The following ARHGAP39 variants were observed in gnomAD, a reference collection of about 807,000 sequenced individuals.
ARHGAP39 encodes Rho GTPase activating protein 39.
ARHGAP39 carries 44 observed loss-of-function variants against 106.9 expected under a neutral mutation model. The ratio of observed to expected loss-of-function variants is 0.41; its 90% CI spans 0.32 to 0.53. The LOEUF (loss-of-function observed/expected upper bound fraction) is 0.53. ARHGAP39 is among the 20% of genes least tolerant of loss of function. The pLI is 0.21. For synonymous variants in ARHGAP39, 768 were observed against 693.2 expected, an observed-to-expected ratio of 1.11 and a Z score of -1.69; for missense variants, 1,496 against 1,577.3, an observed-to-expected ratio of 0.95 and a Z score of 0.87.
At chr8:144,677,206 C>T (rs908615342) in intron 1 of ARHGAP39, among the ~76,000 whole-genome samples, 7 of 152,210 alleles carry the variant, frequency 4.6e-5, no homozygotes, top group African/African-American at 1.7e-4. Context: ...AGGTTGTCTC[C>T]ACTTTCTGGC....
intron 1 of ARHGAP39, among the ~76,000 whole-genome samples, chr8:144,620,532 C>T (rs1290774809): frequency 6.7e-6 from 1 of 149,344 alleles, no homozygotes; most frequent in Non-Finnish European, 1.5e-5. Context: ...AGCCTGTGTC[C>T]CTGAGAGCAT....
intron 5 of ARHGAP39, among the ~76,000 whole-genome samples, chr8:144,546,795 C>T (rs1387463529): frequency 2.0e-5 from 3 of 152,186 alleles, no homozygotes; most frequent in South Asian, 2.1e-4. Flanking sequence ...GCCACGGCTC[C>T]GGTGGCCACC....
chr8:144,616,442 A>G (rs1820638635), intron 1 of ARHGAP39, among the ~76,000 whole-genome samples: 1 of 152,258 alleles, frequency 6.6e-6, no homozygotes, highest in African/African-American at 2.4e-5. Flanking sequence ...ACAGAGGCTC[A>G]GGCACTACAA....
chr8:144,694,810 C>T, the ARHGAP39 span, among the ~76,000 whole-genome samples: 48 of 152,152 alleles, frequency 3.2e-4, no homozygotes, highest in Non-Finnish European at 5.3e-4. Flanking sequence ...ATCATCAGTA[C>T]AGGGGGGCCT....
Position 144,601,736 on chromosome 8 carries a change from C to T in ARHGAP39, c.80+3799G>A, listed in dbSNP as rs535807435. On this transcript the variant is annotated intron_variant, in intron 2 of 11. Coordinates refer to ENST00000377307, the MANE Select transcript of ARHGAP39 (RefSeq NM_025251.3). ...GTGAGCTCATGTACCTGTGTGTGTGCGTGGAGGCGTGTGTGCTCGTGAACC... is the reference window on the plus strand; with the variant it reads ...GTGAGCTCATGTACCTGTGTGTGTGTGTGGAGGCGTGTGTGCTCGTGAACC... 2.3e-3 allele frequency among the ~76,000 whole-genome samples: 267 copies of T among 116,448 alleles called. 1 individual carries two copies. Among genetic ancestry groups the T allele is most frequent in the African/African-American group, 7.8e-3 (231 of 29,458 alleles). 76.4% of individuals were successfully genotyped at this position (116,448 alleles called of 152,430 possible).
chr8:144,616,863 TATGCCCAATGCCCAGTGAATCAATG>T (rs1159045204), intron 1 of ARHGAP39, among the ~76,000 whole-genome samples: 1 of 152,224 alleles, frequency 6.6e-6, no homozygotes, highest in African/African-American at 2.4e-5. Flanking sequence ...CACTACCATA[TATGCCCAATGCCCAGTGAATCAATG>T]TTGCCCAGTG....
chr8:144,555,636 G>A lies in ARHGAP39; in HGVS notation c.520C>T (p.Pro174Ser), dbSNP rs1242369349. ...TVKEDSGSSS[P>S]PGVFLEKDYE... is the part of the protein sequence containing the mutation. ...TCCTTCTCAAGGAACACTCCTGGTG[G>A]TGAAGAGCTGAAACACAGTAAAATG... The change falls in exon 4 of 12, where the codon CCA becomes TCA. Residue 174 changes from proline (P) to serine (S), a missense_variant. Physicochemically the swap from Pro to Ser is moderately conservative, Grantham distance 74 (BLOSUM62 -1). Transcript: ENST00000377307. 6.2e-7 allele frequency: 1 copy of A among 1,613,482 alleles called. No homozygotes were observed. Among genetic ancestry groups the A allele is most frequent in the Non-Finnish European group, 8.5e-7 (1 of 1,179,722 alleles).
In ARHGAP39 at chr8:144,537,580, G is replaced by A. The variant is rs1490645988; in HGVS notation, c.2614+141C>T. The A allele has an allele frequency of 3.0e-5, 22 of 732,338 alleles. 2 individuals carry two copies. Among genetic ancestry groups the A allele is most frequent in the South Asian group, 2.3e-4 (13 of 55,368 alleles). 45.4% of individuals were successfully genotyped at this position (732,338 alleles called of 1,614,324 possible). On this transcript the variant is annotated intron_variant, in intron 7 of 11. Transcript: ENST00000377307. Reference sequence around the variant, plus strand: ...GTCAGTCACCTGGGCCCTCCAGCTCGCTCAGGAGGCCACAGGCCTGAGGTT... The same window carrying A: ...GTCAGTCACCTGGGCCCTCCAGCTCACTCAGGAGGCCACAGGCCTGAGGTT...
chr8:144,662,437 C>T (rs866741106), intron 1 of ARHGAP39, among the ~76,000 whole-genome samples: 7 of 146,388 alleles, frequency 4.8e-5, no homozygotes, highest in South Asian at 2.3e-4. Context: ...CACCTTGGGC[C>T]GCTACCCGCC....
At chr8:144,699,224 C>T in the ARHGAP39 span, 18 of 73,030 alleles carry the variant, frequency 2.5e-4, no homozygotes, top group South Asian at 4.2e-3. Flanking sequence ...ATGGAGGATG[C>T]GGGGTGGTGT....
At chr8:144,655,919 A>T (rs1163858671) in intron 1 of ARHGAP39, among the ~76,000 whole-genome samples, 1 of 152,220 alleles carries the variant, frequency 6.6e-6, no homozygotes, top group Non-Finnish European at 1.5e-5. Context: ...AAACCTCATC[A>T]AAAGCAATGC....
intron 3 of ARHGAP39, among the ~76,000 whole-genome samples, chr8:144,558,209 C>T (rs1278659650): frequency 6.6e-6 from 1 of 152,332 alleles, no homozygotes; most frequent in African/African-American, 2.4e-5. Flanking sequence ...AACAGAGAAA[C>T]ACACACTCCC....
chr8:144,576,655 T>C (rs1275276113), intron 3 of ARHGAP39, among the ~76,000 whole-genome samples: 1 of 152,238 alleles, frequency 6.6e-6, no homozygotes, highest in Non-Finnish European at 1.5e-5. Flanking sequence ...TTCAAAATTA[T>C]GATAATCCAA....
In ARHGAP39 at chr8:144,545,246, T is replaced by C. The variant is rs1321450699; in HGVS notation, c.2521+3A>G. 6.6e-7 allele frequency: 1 copy of C among 1,521,670 alleles called. No individual in the cohort carries two copies. Among genetic ancestry groups the C allele is most frequent in the Non-Finnish European group, 8.9e-7 (1 of 1,127,054 alleles). The allele number at this position is 1,521,670 out of a possible 1,614,324, so 94.3% of individuals were successfully genotyped here. On this transcript the variant is annotated splice_donor_region_variant and intron_variant, in intron 6 of 11. Coordinates refer to ENST00000377307, the MANE Select transcript of ARHGAP39 (RefSeq NM_025251.3). ...TGGTGGCAAAGCCCGTGCATGGCCT[T>C]ACCTTTAGTGTCATTGACGGGGTCC...
chr8:144,564,960 A>G (rs1818338249), intron 3 of ARHGAP39, among the ~76,000 whole-genome samples: 1 of 152,072 alleles, frequency 6.6e-6, no homozygotes, highest in African/African-American at 2.4e-5. Flanking sequence ...ACACACAAAA[A>G]TTAGCCAGGC....
chr8:144,584,383 T>C (rs1464809896), intron 2 of ARHGAP39, among the ~76,000 whole-genome samples: 1 of 152,216 alleles, frequency 6.6e-6, no homozygotes, highest in Non-Finnish European at 1.5e-5. Flanking sequence ...GAAATTTCAT[T>C]TTCCCATATG....
Position 144,530,418 on chromosome 8 carries a change from C to T in ARHGAP39, c.*4G>A, listed in dbSNP as rs200191602. 492 of 1,591,264 alleles carry T rather than the reference C, an allele frequency of 3.1e-4. No homozygotes were observed. The highest frequency in any genetic ancestry group is 6.9e-4 in the South Asian group (62 of 89,300). ...GACATCCCTCCTGTCCCCGGGCGCC[C>T]CCGCTACAGCACACCCTCCATGAAG... On this transcript the variant is annotated 3_prime_UTR_variant, in exon 12 of 12. Transcript: ENST00000377307.
intron 1 of ARHGAP39, among the ~76,000 whole-genome samples, chr8:144,663,628 G>A (rs537346588): frequency 6.6e-6 from 1 of 152,142 alleles, no homozygotes; most frequent in South Asian, 2.1e-4. Context: ...GAGGCTCCAC[G>A]CTCAGCCCCA....
chr8:144,601,101 T>G (rs1183296363), intron 2 of ARHGAP39, among the ~76,000 whole-genome samples: 1 of 144,354 alleles, frequency 6.9e-6, no homozygotes, highest in African/African-American at 2.6e-5. Flanking sequence ...TGGAGGTGTG[T>G]GTGACCTCAT....
Sources: gnomAD v4.1 joint callset for allele counts (sites outside exome capture counted in the v4.1 genomes callset) on GRCh38, gnomAD v4.1.1 for gene constraint, MANE v1.5 for transcripts, NCBI Gene and HGNC (gene_info 2026-07-23, HGNC 2026-07-21) for gene names.